Variants in DAB1 observed in about 807,000 individuals in gnomAD.
DAB1 encodes DAB adaptor protein 1, also known as disabled homolog 1.
DAB1 carries 15 observed loss-of-function variants against 64.6 expected under a neutral mutation model. That is an observed-to-expected ratio of 0.23 (90% CI 0.16 to 0.36). The LOEUF (loss-of-function observed/expected upper bound fraction) is 0.36. Among genes scored for constraint, DAB1 ranks in the 10% least tolerant of loss-of-function variants. The pLI is 1.00. For missense variants in DAB1, 596 were observed against 706.7 expected, an observed-to-expected ratio of 0.84 and a Z score of 1.78; for synonymous variants, 235 against 251.9, an observed-to-expected ratio of 0.93 and a Z score of 0.64.
intron 3 of DAB1, among the ~76,000 whole-genome samples, chr1:58,434,673 T>C (rs770874132): frequency 1.3e-5 from 2 of 152,162 alleles, no homozygotes; most frequent in Non-Finnish European, 2.9e-5. Context: ...ACCAATACAG[T>C]GTGTGTAACG....
intron 5 of DAB1, among the ~76,000 whole-genome samples, chr1:57,894,837 G>A (rs909381365): frequency 2.0e-5 from 3 of 152,100 alleles, no homozygotes; most frequent in Admixed American, 6.5e-5. Flanking sequence ...GAGGGTGGGA[G>A]AGGGAAGAGG....
chr1:58,005,873 A>C (rs923106848), intron 5 of DAB1, among the ~76,000 whole-genome samples: 1 of 152,222 alleles, frequency 6.6e-6, no homozygotes, highest in Non-Finnish European at 1.5e-5. Flanking sequence ...TCTTTAAGGC[A>C]GGTACAATTA....
At chr1:58,224,782 C>A (rs1403370738) in intron 4 of DAB1, among the ~76,000 whole-genome samples, 1 of 152,108 alleles carries the variant, frequency 6.6e-6, no homozygotes, top group Non-Finnish European at 1.5e-5. Context: ...AACTGGATCC[C>A]TTCCTTACAC....
At chr1:57,153,245 C>T (rs564522118) in intron 2 of DAB1, among the ~76,000 whole-genome samples, 145 of 152,224 alleles carry the variant, frequency 9.5e-4, no homozygotes, top group Non-Finnish European at 1.6e-3. Context: ...AGGCTGGTCT[C>T]GAACTCTTGG....
chr1:57,601,341 AG>A (rs566008422), intron 7 of DAB1, among the ~76,000 whole-genome samples: 99 of 152,328 alleles, frequency 6.5e-4, no homozygotes, highest in African/African-American at 2.3e-3. Context: ...TGGGAGGCCA[AG>A]GCAGGCAGAT....
intron 1 of DAB1, among the ~76,000 whole-genome samples, chr1:57,879,942 C>T (rs1644116808): frequency 6.6e-6 from 1 of 152,286 alleles, no homozygotes; most frequent in Non-Finnish European, 1.5e-5. Context: ...CCAACACAGT[C>T]ATTTCTCTTC....
chr1:58,222,451 A>G (rs1307469747), intron 4 of DAB1, among the ~76,000 whole-genome samples: 1 of 152,220 alleles, frequency 6.6e-6, no homozygotes, highest in Non-Finnish European at 1.5e-5. Context: ...CCCTTTCTAT[A>G]GAACTGACTT....
intron 7 of DAB1, among the ~76,000 whole-genome samples, chr1:57,468,594 A>C (rs1022768354): frequency 2.6e-5 from 4 of 152,136 alleles, no homozygotes; most frequent in Non-Finnish European, 5.9e-5. Flanking sequence ...GGTATGGCAG[A>C]GATGGAGGCA....
At chr1:57,571,246 T>A (rs892823976) in intron 7 of DAB1, among the ~76,000 whole-genome samples, 1 of 152,168 alleles carries the variant, frequency 6.6e-6, no homozygotes, top group African/African-American at 2.4e-5. Flanking sequence ...CTACGTTGAA[T>A]AGAAGTGGTG....
At chr1:58,081,717 T>G (rs574537278) in intron 5 of DAB1, among the ~76,000 whole-genome samples, 4 of 152,344 alleles carry the variant, frequency 2.6e-5, no homozygotes, top group African/African-American at 9.6e-5. Context: ...GGGCTGCCAG[T>G]AAGATTAAGT....
At position 58,145,264 on chromosome 1, in the gene DAB1, T is replaced by TAA. The variant is rs879719356; in HGVS notation, n.387+5246_387+5247insTT. Among the ~76,000 whole-genome samples, 1,009 of 152,312 alleles carry TAA rather than the reference T, an allele frequency of 6.6e-3. 7 individuals are homozygous for TAA. The highest frequency in any genetic ancestry group is 0.012 in the Non-Finnish European group (802 of 68,022). Reference sequence around the variant, plus strand: ...CCCTCATGGGACTTTTTTGGGGCAATGCCTATACCTGCAGGTGCAGTGCCC... The same window carrying TAA: ...CCCTCATGGGACTTTTTTGGGGCAATAAGCCTATACCTGCAGGTGCAGTGCCC... On this transcript the variant is annotated intron_variant and non_coding_transcript_variant, in intron 5 of 20. Transcript: ENST00000485760.
chr1:58,172,101 G>A (rs1049845681), intron 4 of DAB1, among the ~76,000 whole-genome samples: 1 of 152,144 alleles, frequency 6.6e-6, no homozygotes, highest in Non-Finnish European at 1.5e-5. Flanking sequence ...GAGAACCAGA[G>A]GGCAAATACT....
chr1:57,278,248 C>T (rs995434386), intron 2 of DAB1, among the ~76,000 whole-genome samples: 7 of 152,170 alleles, frequency 4.6e-5, no homozygotes, highest in African/African-American at 1.7e-4. Context: ...TATGCTTTCT[C>T]ATCTGTAAAA....
intron 1 of DAB1, among the ~76,000 whole-genome samples, chr1:57,385,672 A>G (rs894728921): frequency 5.9e-5 from 9 of 152,316 alleles, no homozygotes; most frequent in Middle Eastern, 3.4e-3. Context: ...ACAGTTCAGT[A>G]AGGGTGAAAT....
At chr1:57,979,871 A>G (rs1367034691) in intron 5 of DAB1, among the ~76,000 whole-genome samples, 1 of 152,038 alleles carries the variant, frequency 6.6e-6, no homozygotes, top group Non-Finnish European at 1.5e-5. Context: ...ATTTATTTAA[A>G]CCCTCTTCTG....
intron 7 of DAB1, among the ~76,000 whole-genome samples, chr1:57,579,415 G>A (rs1645287017): frequency 6.6e-6 from 1 of 152,136 alleles, no homozygotes; most frequent in East Asian, 1.9e-4. Flanking sequence ...TAAATCAGGT[G>A]CTATAACAAT....
intron 7 of DAB1, among the ~76,000 whole-genome samples, chr1:57,479,452 A>T (rs552007916): frequency 1.9e-3 from 285 of 148,762 alleles, no homozygotes; most frequent in Middle Eastern, 0.014. Context: ...TAATATATAT[A>T]TTTTATATAT....
intron 3 of DAB1, among the ~76,000 whole-genome samples, chr1:58,453,231 T>G (rs931770656): frequency 6.6e-6 from 1 of 151,008 alleles, no homozygotes; most frequent in Non-Finnish European, 1.5e-5. Context: ...GGTGGGGGAG[T>G]GTGAAGCACT....
intron 4 of DAB1, among the ~76,000 whole-genome samples, chr1:57,109,983 G>A (rs1163124672): frequency 6.6e-6 from 1 of 152,122 alleles, no homozygotes; most frequent in Non-Finnish European, 1.5e-5. Flanking sequence ...ACAGGCCACG[G>A]GGACAGGACA....
Sources: allele counts gnomAD v4.1 joint callset (sites outside exome capture counted in the v4.1 genomes callset), GRCh38; gene constraint gnomAD v4.1.1; transcripts MANE v1.5; gene names NCBI Gene and HGNC (gene_info 2026-07-23, HGNC 2026-07-21).